The following ADAMTS9 variants were observed in gnomAD, a reference collection of about 807,000 sequenced individuals.
The protein encoded by ADAMTS9 is ADAM metallopeptidase with thrombospondin type 1 motif 9, also known as A disintegrin and metalloproteinase with thrombospondin motifs 9.
ADAMTS9 carries 107 observed loss-of-function variants against 257.1 expected under a neutral mutation model. The ratio of observed to expected loss-of-function variants is 0.42; its 90% CI spans 0.36 to 0.49. ADAMTS9 has a LOEUF of 0.49. Among genes scored for constraint, ADAMTS9 ranks in the 20% least tolerant of loss-of-function variants. ADAMTS9 has a pLI of 0.03. For missense variants in ADAMTS9, 2,353 were observed against 2,469.1 expected (o/e 0.95, Z 1.00); for synonymous variants, 982 against 880.9 (o/e 1.11, Z -2.03).
intron 28 of ADAMTS9, chr3:64,582,476 T>A (rs2084030702): frequency 6.6e-6 from 1 of 152,164 alleles, no homozygotes; most frequent in Non-Finnish European, 1.5e-5. Context: ...GTATCAAATA[T>A]GTCTGGTAAA....
Position 64,629,218 on chromosome 3 carries a change from C to T in ADAMTS9, c.2389+2237G>A, listed in dbSNP as rs762599610. Among the ~76,000 whole-genome samples, 9 of 152,172 alleles carry T rather than the reference C, an allele frequency of 5.9e-5. No individual in the cohort carries two copies. In the East Asian group the frequency reaches 7.7e-4, roughly 13 times the overall value. On this transcript the variant is annotated intron_variant, in intron 16 of 39. Coordinates refer to ENST00000498707, the MANE Select transcript of ADAMTS9 (RefSeq NM_182920.2). ...GCAATGATTTCCTAATCAATGGCAC[C>T]GCTTCTGTCCTGTACACACTTCCCC...
intron 30 of ADAMTS9, among the ~76,000 whole-genome samples, chr3:64,554,330 T>C (rs1031468223): frequency 6.6e-6 from 1 of 152,196 alleles, no homozygotes; most frequent in Non-Finnish European, 1.5e-5. Flanking sequence ...TTAAACTAAG[T>C]AAATAAGTGA....
intron 29 of ADAMTS9, among the ~76,000 whole-genome samples, chr3:64,567,246 G>A (rs150583014): frequency 6.6e-6 from 1 of 152,118 alleles, no homozygotes; most frequent in East Asian, 1.9e-4. Flanking sequence ...GCTGCTTTGG[G>A]GCCTTAAGAA....
At chr3:64,622,759 G>T (rs977049282) in intron 16 of ADAMTS9, among the ~76,000 whole-genome samples, 173 bp from the exon 17 acceptor site, 3 of 152,100 alleles carry the variant, frequency 2.0e-5, no homozygotes, top group African/African-American at 7.2e-5. Flanking sequence ...GTGTGGCTTT[G>T]GGAATCATTT....
chr3:64,522,091 C>G, intron 39 of ADAMTS9, 75 bp downstream of exon 39: 1 of 1,296,070 alleles, frequency 7.7e-7, no homozygotes, highest in South Asian at 1.2e-5. Flanking sequence ...GCCTGATCCT[C>G]CCACATTTGC....
intron 10 of ADAMTS9, among the ~76,000 whole-genome samples, chr3:64,648,543 G>A (rs531060865): frequency 6.6e-6 from 1 of 152,084 alleles, no homozygotes; most frequent in Non-Finnish European, 1.5e-5. Context: ...CTCTATTTCA[G>A]GGCACAATTT....
chr3:64,655,927 T>C (rs1701058143), intron 4 of ADAMTS9, 52 bp from the exon 5 acceptor site: 2 of 1,204,828 alleles, frequency 1.7e-6, no homozygotes, highest in South Asian at 3.1e-5. Context: ...GTGTAAGCAA[T>C]AAGCAAGTCA....
chr3:64,551,089 A>G (rs1173187207), intron 30 of ADAMTS9, 27 bp from the exon 31 acceptor site: 13 of 1,611,174 alleles, frequency 8.1e-6, no homozygotes, highest in Non-Finnish European at 1.1e-5. Context: ...AAAGAGAAGA[A>G]TAAACCGTAG....
chr3:64,569,684 C>G (rs1224707398), intron 28 of ADAMTS9, among the ~76,000 whole-genome samples: 1 of 152,178 alleles, frequency 6.6e-6, no homozygotes, highest in African/African-American at 2.4e-5. Context: ...CTAGTAAACA[C>G]AAACCACTAT....
At chr3:64,554,261 G>T (rs1388239996) in intron 30 of ADAMTS9, among the ~76,000 whole-genome samples, 7 of 152,306 alleles carry the variant, frequency 4.6e-5, no homozygotes, top group Non-Finnish European at 7.3e-5. Flanking sequence ...TATTTTGCCA[G>T]CGGTGGAAAG....
Position 64,633,847 on chromosome 3 carries a change from C to A in ADAMTS9, c.1889G>T (p.Arg630Leu). ...GTTGCAGGACTTAAATTTCATTCTA[C>A]GTCCTACACAGTATTTTCCACCATT... ...PKNGGKYCVG[R>L]RMKFKSCNTE... is the part of the protein sequence containing the mutation. Residue 630 changes from arginine (R) to leucine (L), a missense_variant, in exon 13 of 40, where the codon CGT (arginine) becomes CTT (leucine). Transcript: ENST00000498707. 1.2e-6 allele frequency: 2 copies of A among 1,613,156 alleles called. No homozygotes were observed. The highest frequency in any genetic ancestry group is 1.7e-4 in the Middle Eastern group (1 of 6,026).
intron 31 of ADAMTS9, among the ~76,000 whole-genome samples, chr3:64,549,143 G>C (rs2083239047): frequency 6.6e-6 from 1 of 152,206 alleles, no homozygotes; most frequent in Non-Finnish European, 1.5e-5. Context: ...TTCCTTCCCT[G>C]TGGTCCCTGT....
intron 6 of ADAMTS9, 113 bp from the exon 7 acceptor site, chr3:64,654,725 T>G (rs1250062629): frequency 1.7e-6 from 2 of 1,181,954 alleles, no homozygotes; most frequent in East Asian, 4.8e-5. Flanking sequence ...GGGGTGGGGG[T>G]TAAAAAAAGC....
intron 16 of ADAMTS9, among the ~76,000 whole-genome samples, chr3:64,624,459 T>C (rs879302742): frequency 1.3e-5 from 2 of 152,102 alleles, no homozygotes; most frequent in Admixed American, 1.3e-4. Flanking sequence ...ATTTGTCAAG[T>C]ATCCCTTGAT....
chr3:64,663,360 A>G (rs192376572), intron 3 of ADAMTS9, among the ~76,000 whole-genome samples: 1 of 151,788 alleles, frequency 6.6e-6, no homozygotes, highest in Admixed American at 6.6e-5. Context: ...TCATGATTTT[A>G]TTTATTGGAT....
chr3:64,662,046 T>G (rs780263194), intron 3 of ADAMTS9, among the ~76,000 whole-genome samples: 1 of 151,944 alleles, frequency 6.6e-6, no homozygotes, highest in African/African-American at 2.4e-5. Context: ...TCTTTCTTCA[T>G]AGAAGTATTT....
In ADAMTS9 at chr3:64,616,092, T is replaced by G; in HGVS notation, c.2892A>C (p.Lys964Asn). The G allele has an allele frequency of 1.2e-6, 2 of 1,614,162 alleles. No individual in the cohort carries two copies. Among genetic ancestry groups the G allele is most frequent in the South Asian group, 2.2e-5 (2 of 91,086 alleles). ...GYRTLDIYCA[K>N]YSRLDGKTEK... ...CAGTCTTCCCATCCAGCCTGCTATA[T>G]TTGGCACAGTAGATGTCCAATGTGC... Residue 964 changes from lysine (K) to asparagine (N), a missense_variant, in exon 20 of 40, where the codon AAA becomes AAC. Physicochemically the swap from Lys to Asn is moderately conservative, Grantham distance 94 (BLOSUM62 0). Coordinates refer to ENST00000498707, the MANE Select transcript of ADAMTS9 (RefSeq NM_182920.2).
At chr3:64,575,989 G>A (rs1442315295) in intron 28 of ADAMTS9, among the ~76,000 whole-genome samples, 7 of 152,136 alleles carry the variant, frequency 4.6e-5, no homozygotes, top group Admixed American at 4.6e-4. Flanking sequence ...AGGTAAAGGT[G>A]GGACTTTGGC....
chr3:64,610,010 A>G (rs1272738449), intron 22 of ADAMTS9, among the ~76,000 whole-genome samples: 1 of 152,214 alleles, frequency 6.6e-6, no homozygotes, highest in Non-Finnish European at 1.5e-5. Context: ...AGACCACTCA[A>G]TGGAGAGAGA....
Sources: gnomAD v4.1 joint callset for allele counts (sites outside exome capture counted in the v4.1 genomes callset) on GRCh38, gnomAD v4.1.1 for gene constraint, MANE v1.5 for transcripts, NCBI Gene and HGNC (gene_info 2026-07-23, HGNC 2026-07-21) for gene names.